DRC7: variants seen among roughly 807,000 people sequenced by gnomAD.
DRC7 encodes the protein dynein regulatory complex subunit 7.
A neutral mutation model predicts 104.4 loss-of-function variants in DRC7; 80 were observed. The observed-to-expected ratio is 0.77, with a 90% CI of 0.64 to 0.92. The LOEUF (loss-of-function observed/expected upper bound fraction) is 0.92. Among genes scored for constraint, DRC7 ranks in the 40% least tolerant of loss-of-function variants. The pLI, the probability that DRC7 is intolerant of heterozygous loss-of-function variation, is 0.00. For synonymous variants in DRC7, 405 were observed against 447.3 expected, an observed-to-expected ratio of 0.91 and a Z score of 1.19; for missense variants, 1,034 against 1,141.1, an observed-to-expected ratio of 0.91 and a Z score of 1.35.
Position 57,697,974 on chromosome 16 carries a change from G to A in DRC7, c.25G>A (p.Glu9Lys). MEVLREKVEEEEEAEREEA... is the reference protein window; with the variant it reads MEVLREKVKEEEEAEREEA... ...AATGGAGGTCCTGAGGGAGAAGGTG[G>A]AGGAGGAGGAGGAGGCCGAGCGGGA... Residue 9 changes from glutamate to lysine, a missense_variant, in exon 3 of 19, where the codon GAG becomes AAG. Coordinates refer to ENST00000360716, the MANE Select transcript of DRC7 (RefSeq NM_001289162.2). 1 of 1,597,416 alleles carries A rather than the reference G, an allele frequency of 6.3e-7. No individual in the cohort carries two copies. The highest frequency in any genetic ancestry group is 8.5e-7 in the Non-Finnish European group (1 of 1,170,998).
rs1469809176 is a variant in DRC7 at position 57,698,872 on chromosome 16, G to C, written c.226G>C (p.Asp76His). The change falls in exon 4 of 19, where the codon GAC (aspartate) becomes CAC (histidine). Residue 76 changes from aspartate (D) to histidine (H), a missense_variant. By Grantham distance (81) the Asp-to-His change is moderately conservative (BLOSUM62 -1). Transcript: ENST00000360716. ...CAGGGCCTTTACCAAGGACACTATTGACATCTCCAAGCTGCCCATTTCCTA... is the reference window on the plus strand; with the variant it reads ...CAGGGCCTTTACCAAGGACACTATTCACATCTCCAAGCTGCCCATTTCCTA... ...ELPAFTKDTI[D>H]ISKLPISYKT... The C allele has an allele frequency of 1.2e-6, 2 of 1,613,996 alleles. No individual in the cohort carries two copies. Among genetic ancestry groups the C allele is most frequent in the Non-Finnish European group, 1.7e-6 (2 of 1,179,942 alleles).
In DRC7 at chr16:57,727,347, C is replaced by T; in HGVS notation, c.2134C>T (p.Leu712=). The change falls in exon 16 of 19, where the codon CTG becomes TTG. Residue 712 remains leucine (L), a synonymous_variant. Transcript: ENST00000360716. ...LREEEEAAHT[L]TISIYDTKRN... is the part of the protein sequence containing the mutation. ...AGAGGAAGAGGAGGCGGCGCACACA[C>T]TGACCATCTCCATCTATGACACCAA... 1 of 1,613,494 alleles carries T rather than the reference C, an allele frequency of 6.2e-7. No individual in the cohort carries two copies. Among genetic ancestry groups the T allele is most frequent in the Non-Finnish European group, 8.5e-7 (1 of 1,179,920 alleles).
rs557699457 is a variant in DRC7 at position 57,718,201 on chromosome 16, C to T, written c.1078-146C>T. On this transcript the variant is annotated intron_variant, in intron 8 of 18. Coordinates refer to ENST00000360716, the MANE Select transcript of DRC7 (RefSeq NM_001289162.2). ...GAGTGTGGGCATGGACTCTCAGAGC[C>T]ACCTGGGACTGACGTTCTGCTTCCC... The T allele has an allele frequency of 1.7e-5, 17 of 994,804 alleles. No homozygotes were observed. In the South Asian group the frequency reaches 2.6e-4, roughly 15 times the overall value. 61.6% of individuals were successfully genotyped at this position (994,804 alleles called of 1,614,324 possible).
In DRC7 at chr16:57,702,125, A is replaced by T; in HGVS notation, c.694A>T (p.Lys232Ter). The change falls in exon 6 of 19, where the codon AAG (lysine) becomes TAG (stop). Residue 232 changes from lysine (K) to a stop codon, truncating the protein, a stop_gained. Coordinates refer to ENST00000360716, the MANE Select transcript of DRC7 (RefSeq NM_001289162.2). LOFTEE classifies it high-confidence loss of function. ...GGTGTGCCCACTCACTGTGAAGCCC[A>T]AGGAGGTATGGTCGGGCTTGAGCTG... The part of the protein sequence containing the change: ...REVCPLTVKP[K>*]ETIKKEEKVL... 6.2e-7 allele frequency: 1 copy of T among 1,614,020 alleles called. No homozygotes were observed. Among genetic ancestry groups the T allele is most frequent in the East Asian group, 2.2e-5 (1 of 44,878 alleles).
intron 7 of DRC7, among the ~76,000 whole-genome samples, chr16:57,705,365 C>G (rs2048701456): frequency 6.6e-6 from 1 of 151,718 alleles, no homozygotes; most frequent in Non-Finnish European, 1.5e-5. Context: ...ATCTCTCCTC[C>G]CATCCATCCT....
rs1439742593 is a variant in DRC7 at position 57,728,584 on chromosome 16, G to A, written c.2391G>A (p.Lys797=). The change falls in exon 17 of 19, where the codon AAG becomes AAA. Residue 797 remains lysine, a splice_region_variant and synonymous_variant. Coordinates refer to ENST00000360716, the MANE Select transcript of DRC7 (RefSeq NM_001289162.2). ...ACCTCATCCAGGCCCGCTTTGAGAA[G>A]GTGCCACCAGGGCCTTTGTTGGGGA... ...KANLIQARFE[K]ETQELQKKQQ... The A allele has an allele frequency of 1.9e-6, 3 of 1,585,190 alleles. No individual in the cohort carries two copies. Among genetic ancestry groups the A allele is most frequent in the Non-Finnish European group, 1.7e-6 (2 of 1,162,874 alleles).
At chr16:57,706,307 C>T (rs1198709380) in intron 7 of DRC7, among the ~76,000 whole-genome samples, 1 of 143,452 alleles carries the variant, frequency 7.0e-6, no homozygotes, top group Non-Finnish European at 1.5e-5. Flanking sequence ...CTCCCACCAT[C>T]CTCTGATCCA....
chr16:57,731,231 G>C lies in DRC7; in HGVS notation c.2598G>C (p.Leu866=), dbSNP rs1457095828. ...AAAAGCTCTACAAGGACCCACGCCT[G>C]GGGGAGCTCCAGAAAATATTCGCTT... The part of the protein sequence containing the change: ...LEEKLYKDPR[L]GELQKIFA The change falls in exon 19 of 19, where the codon CTG becomes CTC. Residue 866 remains leucine, a synonymous_variant. Coordinates refer to ENST00000360716, the MANE Select transcript of DRC7 (RefSeq NM_001289162.2). 9 of 1,613,506 alleles carry C rather than the reference G, an allele frequency of 5.6e-6. No individual in the cohort carries two copies. The Admixed American group carries it at 1.5e-4, about 27-fold the overall frequency.
In DRC7 at chr16:57,726,203, C is replaced by A. The variant is rs143054335; in HGVS notation, c.1894C>A (p.Arg632Ser). 1,095 of 1,613,124 alleles carry A rather than the reference C, an allele frequency of 6.8e-4. 9 individuals carry two copies. The South Asian group carries it at 7.0e-3, about 10-fold the overall frequency. ...TGAGGACCACATCACGGCCTCCAAG[C>A]GCGAGTTCCTGCGGCGCACCGAGGT... ...CREDHITASK[R>S]EFLRRTEVDS... is the part of the protein sequence containing the mutation. The change falls in exon 14 of 19, where the codon CGC (arginine) becomes AGC (serine). Residue 632 changes from arginine to serine, a missense_variant. Transcript: ENST00000360716.
intron 2 of DRC7, among the ~76,000 whole-genome samples, chr16:57,697,441 A>C (rs1472035953): frequency 6.6e-6 from 1 of 151,042 alleles, no homozygotes; most frequent in South Asian, 2.1e-4. Flanking sequence ...GGTGGTGTGC[A>C]CCTGTGGTCT....
At chr16:57,716,917 G>A (rs2048849042) in intron 8 of DRC7, among the ~76,000 whole-genome samples, 1 of 152,080 alleles carries the variant, frequency 6.6e-6, no homozygotes, top group Non-Finnish European at 1.5e-5. Flanking sequence ...AGGGGACTGA[G>A]GACTCAGGTG....
In DRC7 at chr16:57,697,931, C is replaced by G. The variant is rs376114224; in HGVS notation, c.-19C>G. The stretch of plus-strand genomic sequence containing the variant: ...CCCACAGAGACATTCCATCTCCAGA[C>G]ACCCAGAGACGCTCCAGAATGGAGG... On this transcript the variant is annotated 5_prime_UTR_variant, in exon 3 of 19. Coordinates refer to ENST00000360716, the MANE Select transcript of DRC7 (RefSeq NM_001289162.2). 3.7e-6 allele frequency: 6 copies of G among 1,607,174 alleles called. No individual in the cohort carries two copies. The highest frequency in any genetic ancestry group is 5.1e-6 in the Non-Finnish European group (6 of 1,176,864).
intron 11 of DRC7, 75 bp from the exon 12 acceptor site, chr16:57,722,927 T>G: frequency 6.2e-7 from 1 of 1,612,630 alleles, no homozygotes; most frequent in Non-Finnish European, 8.5e-7. Flanking sequence ...TGCTGGCCTC[T>G]GTGTGCCTGG....
At chr16:57,719,932 A>G (rs1490631753) in intron 9 of DRC7, among the ~76,000 whole-genome samples, 2 of 152,338 alleles carry the variant, frequency 1.3e-5, no homozygotes, top group East Asian at 1.9e-4. Context: ...CAACAACAAC[A>G]AAGAAAAAAT....
intron 10 of DRC7, among the ~76,000 whole-genome samples, chr16:57,721,957 G>A (rs1232871515): frequency 7.0e-6 from 1 of 143,728 alleles, no homozygotes; most frequent in Non-Finnish European, 1.5e-5. Flanking sequence ...TCTGGCACAC[G>A]GGGCGATGCA....
chr16:57,706,393 A>C (rs2048727679), intron 7 of DRC7, among the ~76,000 whole-genome samples: 1 of 102,540 alleles, frequency 9.8e-6, no homozygotes, highest in African/African-American at 3.9e-5. Flanking sequence ...CCTCCTACCC[A>C]CTGTTCTCCC....
intron 16 of DRC7, among the ~76,000 whole-genome samples, chr16:57,727,799 A>C (rs2967126): frequency 0.31 from 47,165 of 152,224 alleles, 7,705 homozygotes; most frequent in African/African-American, 0.42. Context: ...TTACACCTTC[A>C]GGTTGCAAGG....
rs187025593 is a variant in DRC7, at chr16:57,714,537, G to A, written c.1078-3810G>A. The stretch of plus-strand genomic sequence containing the variant: ...GCTACTAGGGAGGCTGAGGTGGGAC[G>A]ATTGCTTGAGCCCGGGAGGTCAAGG... On this transcript the variant is annotated intron_variant, in intron 8 of 18. Coordinates refer to ENST00000360716, the MANE Select transcript of DRC7 (RefSeq NM_001289162.2). 1.1e-4 allele frequency among the ~76,000 whole-genome samples: 17 copies of A among 152,138 alleles called. No homozygotes were observed. The East Asian group carries it at 2.5e-3, about 23-fold the overall frequency.
intron 9 of DRC7, among the ~76,000 whole-genome samples, chr16:57,719,070 A>G (rs1387961465): frequency 6.6e-6 from 1 of 151,866 alleles, no homozygotes; most frequent in Non-Finnish European, 1.5e-5. Context: ...TGGGAGTCCC[A>G]GAGCTGGCTG....
Sources: gnomAD v4.1 joint callset for allele counts (sites outside exome capture counted in the v4.1 genomes callset) on GRCh38, gnomAD v4.1.1 for gene constraint, MANE v1.5 for transcripts, NCBI Gene and HGNC (gene_info 2026-07-23, HGNC 2026-07-21) for gene names.